The following PKIA variants were observed in gnomAD, a reference collection of about 807,000 sequenced individuals.
The protein encoded by PKIA is PKI-alpha.
Under a neutral mutation model 7.6 loss-of-function variants are expected in PKIA, and 4 were observed. The ratio of observed to expected loss-of-function variants is 0.52; its 90% confidence interval spans 0.26 to 1.20. PKIA has a LOEUF of 1.20. Ranked by LOEUF, PKIA falls within the 50% of genes most tolerant of loss-of-function variation. The pLI, the probability that PKIA is intolerant of heterozygous loss-of-function variation, is 0.13. For synonymous variants in PKIA, 21 were observed against 30.7 expected, an observed-to-expected ratio of 0.68 and a Z score of 1.04; for missense variants, 73 against 86.2, an observed-to-expected ratio of 0.85 and a Z score of 0.61.
chr8:78,554,721 C>T (rs934039980), intron 1 of PKIA, among the ~76,000 whole-genome samples: 4 of 151,856 alleles, frequency 2.6e-5, no homozygotes, highest in African/African-American at 7.3e-5. Context: ...ATGGTTGACA[C>T]AAGAATTAGA....
chr8:78,539,125 G>T (rs1335446314), intron 1 of PKIA, among the ~76,000 whole-genome samples: 1 of 152,016 alleles, frequency 6.6e-6, no homozygotes, highest in Non-Finnish European at 1.5e-5. Context: ...TAAAACATTT[G>T]GAGGAAAAGG....
rs375459153 is a variant in PKIA at position 78,554,579 on chromosome 8, G to A, written c.-156-18232G>A. Reference sequence around the variant, plus strand: ...TGTATTTTATCCATGATTCAGATGTGGCCTGTTAGAAGTTTACCAGGATGA... The same window carrying A: ...TGTATTTTATCCATGATTCAGATGTAGCCTGTTAGAAGTTTACCAGGATGA... On this transcript the variant is annotated intron_variant, in intron 1 of 3. Coordinates refer to ENST00000396418, the MANE Select transcript of PKIA (RefSeq NM_006823.4). Among the ~76,000 whole-genome samples, 133 of 152,044 alleles carry A rather than the reference G, an allele frequency of 8.7e-4. 2 individuals carry two copies. Among genetic ancestry groups the A allele is most frequent in the African/African-American group, 3.0e-3 (123 of 41,522 alleles).
chr8:78,545,968 C>G (rs1041533027), intron 1 of PKIA, among the ~76,000 whole-genome samples: 4 of 152,096 alleles, frequency 2.6e-5, no homozygotes, highest in African/African-American at 9.7e-5. Context: ...TTATCCCATT[C>G]TGTTTGAATT....
intron 1 of PKIA, among the ~76,000 whole-genome samples, chr8:78,540,031 T>C (rs1447947096): frequency 6.6e-6 from 1 of 150,946 alleles, no homozygotes; most frequent in Non-Finnish European, 1.5e-5. Flanking sequence ...AAGAGGAGTG[T>C]GGCAAGTTCA....
chr8:78,587,887 G>A (rs1208548077), intron 2 of PKIA, among the ~76,000 whole-genome samples: 1 of 152,120 alleles, frequency 6.6e-6, no homozygotes, highest in Non-Finnish European at 1.5e-5. Flanking sequence ...CATACTCTCA[G>A]CCTAGTTTTA....
intron 1 of PKIA, among the ~76,000 whole-genome samples, chr8:78,545,036 AAAT>A (rs1806786303): frequency 6.6e-6 from 1 of 152,132 alleles, no homozygotes; most frequent in African/African-American, 2.4e-5. Context: ...TCACTATTGG[AAAT>A]AATAAAGAAA....
chr8:78,551,638 A>G (rs1054763375), intron 1 of PKIA, among the ~76,000 whole-genome samples: 8 of 152,066 alleles, frequency 5.3e-5, no homozygotes, highest in Non-Finnish European at 1.0e-4. Flanking sequence ...TTTAAATGCT[A>G]GAGACAGGGA....
At chr8:78,521,455 G>T (rs1809415435) in intron 1 of PKIA, among the ~76,000 whole-genome samples, 1 of 151,902 alleles carries the variant, frequency 6.6e-6, no homozygotes, top group Admixed American at 6.6e-5. Context: ...AGCAAGCACG[G>T]TTCCTGATGT....
intron 2 of PKIA, among the ~76,000 whole-genome samples, chr8:78,584,034 T>C (rs1409001797): frequency 6.6e-6 from 1 of 152,170 alleles, no homozygotes; most frequent in African/African-American, 2.4e-5. Flanking sequence ...ATAAGACTTT[T>C]AAAAATATAT....
chr8:78,547,111 G>T (rs924261991), intron 1 of PKIA, among the ~76,000 whole-genome samples: 3 of 151,234 alleles, frequency 2.0e-5, no homozygotes, highest in African/African-American at 2.4e-5. Flanking sequence ...GTTTTTTTTT[G>T]TTTGTTTGTT....
At chr8:78,584,099 T>A (rs1039028866) in intron 2 of PKIA, among the ~76,000 whole-genome samples, 2 of 152,146 alleles carry the variant, frequency 1.3e-5, no homozygotes, top group African/African-American at 4.8e-5. Flanking sequence ...AACATGTTGA[T>A]AAGTAACATT....
intron 1 of PKIA, among the ~76,000 whole-genome samples, chr8:78,550,343 TC>T (rs1806952399): frequency 6.6e-6 from 1 of 152,282 alleles, no homozygotes; most frequent in African/African-American, 2.4e-5. Flanking sequence ...AAAAGATGGT[TC>T]CCAGGTCTAT....
At chr8:78,570,654 A>G (rs1035051060) in intron 1 of PKIA, among the ~76,000 whole-genome samples, 2 of 151,706 alleles carry the variant, frequency 1.3e-5, no homozygotes, top group African/African-American at 4.8e-5. Flanking sequence ...CATCTTCCTT[A>G]CAATTAAATT....
At chr8:78,599,733 A>T (rs1014485120) in intron 3 of PKIA, among the ~76,000 whole-genome samples, 3 of 151,942 alleles carry the variant, frequency 2.0e-5, no homozygotes, top group African/African-American at 7.2e-5. Context: ...GGATAAATAT[A>T]TTTTTGCTGC....
chr8:78,586,887 T>A (rs910374005), intron 2 of PKIA, among the ~76,000 whole-genome samples: 1 of 152,176 alleles, frequency 6.6e-6, no homozygotes, highest in African/African-American at 2.4e-5. Flanking sequence ...GAGAATACTG[T>A]TTTGAGAGAG....
intron 1 of PKIA, among the ~76,000 whole-genome samples, chr8:78,530,673 A>G (rs1194672664): frequency 6.6e-6 from 1 of 152,216 alleles, no homozygotes; most frequent in East Asian, 1.9e-4. Context: ...TTGCATTGAC[A>G]TAATGCTGAC....
Position 78,549,127 on chromosome 8 carries a change from T to C in PKIA, c.-156-23684T>C, listed in dbSNP as rs1213820942. ...GAAAGCTGCACTGGGTATATGTATA[T>C]GGGTGTTTATGTGATTTAGATGACT... On this transcript the variant is annotated intron_variant, in intron 1 of 3. Transcript: ENST00000396418. Among the ~76,000 whole-genome samples the C allele has an allele frequency of 2.6e-5, 4 of 152,060 alleles. No homozygotes were observed. The East Asian group carries it at 7.7e-4, about 29-fold the overall frequency.
intron 1 of PKIA, chr8:78,534,377 G>C (rs1806467055): frequency 6.6e-6 from 1 of 152,040 alleles, no homozygotes; most frequent in Non-Finnish European, 1.5e-5. Flanking sequence ...TTAGATGTTG[G>C]TATCTCAACA....
chr8:78,560,674 A>AC (rs919828352), intron 1 of PKIA, among the ~76,000 whole-genome samples: 11 of 152,310 alleles, frequency 7.2e-5, no homozygotes, highest in African/African-American at 2.4e-4. Context: ...TGATATTTAG[A>AC]CCAATGGCCG....
Sources: allele counts gnomAD v4.1 joint callset (sites outside exome capture counted in the v4.1 genomes callset), GRCh38; gene constraint gnomAD v4.1.1; transcripts MANE v1.5; gene names NCBI Gene and HGNC (gene_info 2026-07-23, HGNC 2026-07-21).